LIX1L: variants seen among roughly 807,000 people sequenced by gnomAD.
The protein encoded by LIX1L is LIX1-like protein.
Under a neutral mutation model 34.0 loss-of-function variants are expected in LIX1L, and 20 were observed. That is an observed-to-expected ratio of 0.59 (90% CI 0.41 to 0.85). The LOEUF (loss-of-function observed/expected upper bound fraction) is 0.85, where lower values mean the gene tolerates loss of function less well. Ranked by LOEUF, LIX1L falls within the 40% of genes least tolerant of loss-of-function variation. LIX1L has a pLI of 0.00. For synonymous variants in LIX1L, 170 were observed against 187.4 expected (o/e 0.91, Z 0.76); for missense variants, 397 against 447.0 (o/e 0.89, Z 1.01).
Position 145,957,878 on chromosome 1 carries a change from C to T in LIX1L, c.50G>A (p.Gly17Glu), listed in dbSNP as rs868981193. ...QRLQPGVGTS[G>E]RGTLRALRPG... is the part of the protein sequence containing the mutation. The stretch of plus-strand genomic sequence containing the variant: ...CCGCAGCGCTCGGAGAGTGCCCCTC[C>T]CGCTGGTGCCCACACCAGGCTGCAG... Residue 17 changes from glycine to glutamate, a missense_variant, in exon 1 of 6, where the codon GGG becomes GAG. This residue lies in a region of LIX1L where 207 missense variants were observed against 205.2 expected (regional missense o/e 1.01). Transcript: ENST00000604000. 6.1e-6 allele frequency: 9 copies of T among 1,477,794 alleles called. No individual in the cohort carries two copies. In the South Asian group the frequency reaches 1.2e-4, roughly 19 times the overall value. The allele number at this position is 1,477,794 out of a possible 1,614,324, so 91.5% of individuals were successfully genotyped here. A position where few individuals can be genotyped will look rare whatever the true frequency, so the allele number is the denominator to read the frequency against.
chr1:145,943,712 G>A (rs1553758932), intron 2 of LIX1L, among the ~76,000 whole-genome samples: 1 of 152,002 alleles, frequency 6.6e-6, no homozygotes, highest in Non-Finnish European at 1.5e-5. Flanking sequence ...GTAATTAGAG[G>A]AAAGGAAGAA....
intron 4 of LIX1L, among the ~76,000 whole-genome samples, 154 bp from the exon 5 acceptor site, chr1:145,937,139 TTTA>T (rs1648681492): frequency 6.9e-6 from 1 of 143,914 alleles, no homozygotes; most frequent in East Asian, 2.0e-4. Flanking sequence ...TATTTATTTA[TTTA>T]TTTATTTATT....
chr1:145,938,164 C>T (rs111763183), intron 3 of LIX1L, among the ~76,000 whole-genome samples: 272 of 151,642 alleles, frequency 1.8e-3, no homozygotes, highest in African/African-American at 6.3e-3. Flanking sequence ...AATAATATAT[C>T]TTATTTAACC....
Position 145,936,369 on chromosome 1 carries a change from T to C in LIX1L, c.955A>G (p.Lys319Glu). 6.2e-7 allele frequency: 1 copy of C among 1,614,178 alleles called. No individual in the cohort carries two copies. Among genetic ancestry groups the C allele is most frequent in the Non-Finnish European group, 8.5e-7 (1 of 1,180,030 alleles). Residue 319 changes from lysine to glutamate, a missense_variant, in exon 6 of 6, where the codon AAA becomes GAA. This residue lies in a region of LIX1L where 174 missense variants were observed against 204.0 expected (regional missense o/e 0.85). Transcript: ENST00000604000. Reference protein sequence around the residue: ...GKELRFHKEKKDILVLAAGQL... With the variant: ...GKELRFHKEKEDILVLAAGQL... The stretch of plus-strand genomic sequence containing the variant: ...CCAGCAGCCAGCACAAGAATATCTT[T>C]CTTCTCCTTGTGGAAGCGCAGCTCC...
intron 2 of LIX1L, among the ~76,000 whole-genome samples, chr1:145,943,129 T>A (rs1648982588): frequency 6.6e-6 from 1 of 152,236 alleles, no homozygotes; most frequent in South Asian, 2.1e-4. Flanking sequence ...TAAGTCAGCA[T>A]ATAATCACTG....
chr1:145,957,994 C>T lies in LIX1L; in HGVS notation c.-67G>A. ...GCCGAGCTAACGGTCCCAACCACCC[C>T]AGTCAGCTAGCGCCTGGGGACTCAG... On this transcript the variant is annotated 5_prime_UTR_variant, in exon 1 of 6. Transcript: ENST00000604000. The T allele has an allele frequency of 1.7e-6, 2 of 1,166,108 alleles. No individual in the cohort carries two copies. The highest frequency in any genetic ancestry group is 2.3e-6 in the Non-Finnish European group (2 of 886,006). 72.2% of individuals were successfully genotyped at this position (1,166,108 alleles called of 1,614,324 possible).
At chr1:145,946,738 G>GAT (rs1197343510) in intron 2 of LIX1L, among the ~76,000 whole-genome samples, 2 of 152,152 alleles carry the variant, frequency 1.3e-5, no homozygotes, top group Non-Finnish European at 2.9e-5. Flanking sequence ...AAACAATTAT[G>GAT]ATATGTTGTA....
chr1:145,942,882 G>A (rs782449976), intron 2 of LIX1L, 29 bp from the exon 3 acceptor site: 1 of 1,611,220 alleles, frequency 6.2e-7, no homozygotes, highest in South Asian at 1.1e-5. Context: ...GTGAGAATAT[G>A]TGTATTTGTG....
intron 1 of LIX1L, among the ~76,000 whole-genome samples, chr1:145,956,817 C>G (rs1649488616): frequency 6.6e-6 from 1 of 152,112 alleles, no homozygotes; most frequent in Non-Finnish European, 1.5e-5. Context: ...ACAAAGAAAA[C>G]CCTCACATCC....
rs782677175 is a variant in LIX1L at position 145,947,678 on chromosome 1, T to C, written c.397A>G (p.Ser133Gly). Residue 133 changes from serine to glycine, a missense_variant, in exon 2 of 6, where the codon AGC becomes GGC. Transcript: ENST00000604000. Reference protein sequence around the residue: ...LVVYEMVPSNSPPYVCYVTLP... With the variant: ...LVVYEMVPSNGPPYVCYVTLP... The stretch of plus-strand genomic sequence containing the variant: ...GTGACATAGCAGACATAAGGAGGGC[T>C]GTTGGAGGGAACCATCTCATAAACC... 6.2e-7 allele frequency: 1 copy of C among 1,614,146 alleles called. No individual in the cohort carries two copies. The highest frequency in any genetic ancestry group is 1.1e-5 in the South Asian group (1 of 91,072).
chr1:145,956,262 T>C (rs587714809), intron 1 of LIX1L, among the ~76,000 whole-genome samples: 1 of 152,330 alleles, frequency 6.6e-6, no homozygotes, highest in African/African-American at 2.4e-5. Context: ...GATGAATGAA[T>C]CATTAGGCAC....
At chr1:145,936,577 A>C in intron 5 of LIX1L, 25 bp from the exon 6 acceptor site, 1 of 1,613,466 alleles carries the variant, frequency 6.2e-7, no homozygotes, top group Non-Finnish European at 8.5e-7. Flanking sequence ...GAATGTGAAC[A>C]TCATTGAGAA....
chr1:145,933,710 C>T lies in LIX1L; in HGVS notation c.*2600G>A, dbSNP rs1458287957. On this transcript the variant is annotated 3_prime_UTR_variant, in exon 6 of 6. Transcript: ENST00000604000. The stretch of plus-strand genomic sequence containing the variant: ...GCTTATAAATGTCAAACAGACACAC[C>T]TGGTGTGTCTAGCTGTTTTTGCCTT... The T allele has an allele frequency of 1.3e-5, 2 of 152,000 alleles. No individual in the cohort carries two copies. The highest frequency in any genetic ancestry group is 2.9e-5 in the Non-Finnish European group (2 of 68,012). 9.4% of individuals were successfully genotyped at this position (152,000 alleles called of 1,614,324 possible). A position where few individuals can be genotyped will look rare whatever the true frequency, so the allele number is the denominator to read the frequency against.
intron 3 of LIX1L, 92 bp from the exon 4 acceptor site, chr1:145,937,791 C>A: frequency 1.3e-6 from 1 of 774,612 alleles, no homozygotes; most frequent in Non-Finnish European, 2.2e-6. Context: ...ATGCAAGCCA[C>A]ATATTTAATT....
chr1:145,945,932 CAAA>C (rs782015208), intron 2 of LIX1L, among the ~76,000 whole-genome samples: 2 of 71,900 alleles, frequency 2.8e-5, no homozygotes, highest in African/African-American at 4.7e-5. Context: ...CTAAAAATAC[CAAA>C]AAAAAAAAAA....
Position 145,942,770 on chromosome 1 carries a change from T to A in LIX1L, c.540A>T (p.Arg180=). 6.2e-7 allele frequency: 1 copy of A among 1,614,144 alleles called. No homozygotes were observed. The highest frequency in any genetic ancestry group is 8.5e-7 in the Non-Finnish European group (1 of 1,179,996). Residue 180 remains arginine (R), a synonymous_variant, in exon 3 of 6, where the codon CGA becomes CGT. Transcript: ENST00000604000. The stretch of plus-strand genomic sequence containing the variant: ...TCTCGATGAACTCATCAGTGATTCT[T>A]CGGGAAGGATGTTCATTAAACACAG... ...MNSVFNEHPS[R]RITDEFIEKS... is the part of the protein sequence containing the mutation.
intron 1 of LIX1L, among the ~76,000 whole-genome samples, chr1:145,956,142 T>G (rs117662790): frequency 6.6e-6 from 1 of 152,250 alleles, no homozygotes; most frequent in East Asian, 1.9e-4. Context: ...ATTGGAAAAA[T>G]AGTATTTCCT....
intron 2 of LIX1L, among the ~76,000 whole-genome samples, chr1:145,945,485 G>A (rs1280676729): frequency 3.3e-5 from 5 of 151,620 alleles, no homozygotes; most frequent in Non-Finnish European, 7.4e-5. Context: ...GGTGGCTCAC[G>A]CCTGTAATTC....
Position 145,957,629 on chromosome 1 carries a change from G to A in LIX1L, c.292+7C>T, listed in dbSNP as rs782457290. 1.3e-6 allele frequency: 2 copies of A among 1,523,860 alleles called. No individual in the cohort carries two copies. The highest frequency in any genetic ancestry group is 1.4e-5 in the African/African-American group (1 of 69,500). 94.4% of individuals were successfully genotyped at this position (1,523,860 alleles called of 1,614,324 possible). ...TGTCGCGCAGGAGGCCAGACCCGCA[G>A]ACTCACCTCGGCCATAGCCCTGCGT... On this transcript the variant is annotated splice_region_variant and intron_variant, in intron 1 of 5. Coordinates refer to ENST00000604000, the MANE Select transcript of LIX1L (RefSeq NM_153713.3).
Sources: allele counts gnomAD v4.1 joint callset (sites outside exome capture counted in the v4.1 genomes callset), GRCh38; gene constraint gnomAD v4.1.1; regional missense constraint gnomAD v4.1.1; transcripts MANE v1.5; gene names NCBI Gene and HGNC (gene_info 2026-07-23, HGNC 2026-07-21).